Variants in EFNA5 observed in about 807,000 individuals in gnomAD.
The protein encoded by EFNA5 is ephrin A5.
In EFNA5, 5 loss-of-function variants were observed where a neutral mutation model predicts 22.9. The ratio of observed to expected loss-of-function variants is 0.22; its 90% CI spans 0.11 to 0.46. EFNA5 has a LOEUF of 0.46. Ranked by LOEUF, EFNA5 falls within the 20% of genes least tolerant of loss-of-function variation. The pLI is 0.99. For missense variants in EFNA5, 237 were observed against 293.3 expected (o/e 0.81, Z 1.40); for synonymous variants, 113 against 112.2 (o/e 1.01, Z -0.04).
intron 1 of EFNA5, among the ~76,000 whole-genome samples, chr5:107,539,436 G>T (rs997239673): frequency 1.3e-5 from 2 of 152,162 alleles, no homozygotes; most frequent in African/African-American, 4.8e-5. Context: ...GATTTAAGCA[G>T]GGGAAGGAGA....
chr5:107,643,784 T>C (rs1033049189), intron 1 of EFNA5, among the ~76,000 whole-genome samples: 1 of 152,046 alleles, frequency 6.6e-6, no homozygotes, highest in Non-Finnish European at 1.5e-5. Context: ...AGTCATGTTT[T>C]ATCAGCTTAA....
At chr5:107,496,347 A>AC (rs1746983845) in intron 1 of EFNA5, among the ~76,000 whole-genome samples, 1 of 149,674 alleles carries the variant, frequency 6.7e-6, no homozygotes, top group Non-Finnish European at 1.5e-5. Flanking sequence ...AAAAAAAAAA[A>AC]AAAAAACAAA....
chr5:107,580,594 G>A (rs1749022198), intron 1 of EFNA5, among the ~76,000 whole-genome samples: 1 of 151,732 alleles, frequency 6.6e-6, no homozygotes, highest in African/African-American at 2.4e-5. Flanking sequence ...ATGGTGGCGG[G>A]AGCCTGTAGT....
intron 1 of EFNA5, among the ~76,000 whole-genome samples, chr5:107,479,941 T>C (rs76661950): frequency 0.045 from 6,897 of 152,184 alleles, 216 homozygotes; most frequent in East Asian, 0.14. Context: ...GAAAGAAGAT[T>C]CTGAGTACAA....
chr5:107,625,595 C>T (rs1259454148), intron 1 of EFNA5, among the ~76,000 whole-genome samples: 1 of 151,970 alleles, frequency 6.6e-6, no homozygotes, highest in Non-Finnish European at 1.5e-5. Context: ...GCTAATATTG[C>T]ATAACAGCAA....
At chr5:107,568,765 T>A (rs1748715113) in intron 1 of EFNA5, among the ~76,000 whole-genome samples, 1 of 152,164 alleles carries the variant, frequency 6.6e-6, no homozygotes, top group South Asian at 2.1e-4. Context: ...ATCAACTAGT[T>A]GAAAAAACAT....
chr5:107,448,550 G>T (rs776942062), intron 1 of EFNA5, among the ~76,000 whole-genome samples: 26 of 152,090 alleles, frequency 1.7e-4, no homozygotes, highest in Non-Finnish European at 3.2e-4. Flanking sequence ...AATCCCCAGG[G>T]CTGGGCGCAG....
At chr5:107,398,856 A>G (rs1580424494) in intron 2 of EFNA5, among the ~76,000 whole-genome samples, 2 of 138,190 alleles carry the variant, frequency 1.4e-5, no homozygotes, top group African/African-American at 5.9e-5. Context: ...CACTGCCTCA[A>G]AAAAAAAAAA....
At chr5:107,528,840 A>G (rs1338227378) in intron 1 of EFNA5, among the ~76,000 whole-genome samples, 1 of 152,178 alleles carries the variant, frequency 6.6e-6, no homozygotes, top group Non-Finnish European at 1.5e-5. Flanking sequence ...TATATAGATA[A>G]TATGTTCTAG....
At chr5:107,443,805 T>C (rs566108652) in intron 1 of EFNA5, among the ~76,000 whole-genome samples, 2 of 152,248 alleles carry the variant, frequency 1.3e-5, no homozygotes, top group South Asian at 4.1e-4. Flanking sequence ...TGCAGCAAAC[T>C]ACCATGGCAC....
In EFNA5 at chr5:107,387,314, A is replaced by G; in HGVS notation, c.486T>C (p.Asn162=). 6.3e-7 allele frequency: 1 copy of G among 1,589,114 alleles called. No homozygotes were observed. Among genetic ancestry groups the G allele is most frequent in the Non-Finnish European group, 8.6e-7 (1 of 1,164,146 alleles). ...GAACACCTATAGTTTTCATACAGCT[A>G]TCTATAACAAAAATAGAGATAACAG... is the stretch of plus-strand genomic sequence containing the variant. ...LKLKVFVRPT[N]SCMKTIGVHD... The change falls in exon 4 of 5, where the codon AAT becomes AAC. Residue 162 remains asparagine, a splice_region_variant and synonymous_variant. Coordinates refer to ENST00000333274, the MANE Select transcript of EFNA5 (RefSeq NM_001962.3).
intron 1 of EFNA5, among the ~76,000 whole-genome samples, chr5:107,471,254 G>T (rs2112385961): frequency 6.6e-6 from 1 of 152,136 alleles, no homozygotes; most frequent in African/African-American, 2.4e-5. Flanking sequence ...CTTCTCACCT[G>T]CTGTGCAAAC....
intron 1 of EFNA5, among the ~76,000 whole-genome samples, chr5:107,446,346 C>A (rs1749393357): frequency 6.6e-6 from 1 of 152,138 alleles, no homozygotes; most frequent in Non-Finnish European, 1.5e-5. Context: ...TGAAAAGCAT[C>A]CTGAGAATCT....
chr5:107,645,155 T>C lies in EFNA5; in HGVS notation c.125+25334A>G, dbSNP rs559337662. ...TAGTTATTTAGAGTCAATTATATAA[T>C]GCCATGACTTACAAATGTCTTCAGC... On this transcript the variant is annotated intron_variant, in intron 1 of 4. Coordinates refer to ENST00000333274, the MANE Select transcript of EFNA5 (RefSeq NM_001962.3). 1.6e-4 allele frequency among the ~76,000 whole-genome samples: 24 copies of C among 152,308 alleles called. No homozygotes were observed. The South Asian group carries it at 2.3e-3, about 14-fold the overall frequency.
intron 2 of EFNA5, among the ~76,000 whole-genome samples, chr5:107,414,777 A>G (rs2112406437): frequency 6.6e-6 from 1 of 152,300 alleles, no homozygotes; most frequent in South Asian, 2.1e-4. Flanking sequence ...TAAACTAATA[A>G]TCTAGCAAAT....
chr5:107,565,586 GTTTA>G (rs1457142809), intron 1 of EFNA5, among the ~76,000 whole-genome samples: 1 of 152,070 alleles, frequency 6.6e-6, no homozygotes. Flanking sequence ...AAAGTTTGCT[GTTTA>G]TCTAATATAT....
At chr5:107,482,009 C>T (rs1380073334) in intron 1 of EFNA5, among the ~76,000 whole-genome samples, 1 of 151,942 alleles carries the variant, frequency 6.6e-6, no homozygotes, top group Non-Finnish European at 1.5e-5. Context: ...ATAAAATGTG[C>T]TACATAAAAA....
chr5:107,571,877 C>A (rs1748816044), intron 1 of EFNA5, among the ~76,000 whole-genome samples: 1 of 152,098 alleles, frequency 6.6e-6, no homozygotes, highest in Non-Finnish European at 1.5e-5. Context: ...CTGTTCCCTG[C>A]AGGTGACCGT....
intron 1 of EFNA5, among the ~76,000 whole-genome samples, chr5:107,636,167 T>C (rs186525024): frequency 2.1e-3 from 315 of 152,318 alleles, no homozygotes; most frequent in Non-Finnish European, 3.5e-3. Flanking sequence ...TATGTGTGTG[T>C]ACATAAATCT....
Sources: gnomAD v4.1 joint callset for allele counts (sites outside exome capture counted in the v4.1 genomes callset) on GRCh38, gnomAD v4.1.1 for gene constraint, MANE v1.5 for transcripts, NCBI Gene and HGNC (gene_info 2026-07-23, HGNC 2026-07-21) for gene names.